The following KLHL10 variants were observed in gnomAD, a reference collection of about 807,000 sequenced individuals.
The protein encoded by KLHL10 is kelch-like protein 10.
Under a neutral mutation model 46.6 loss-of-function variants are expected in KLHL10, and 11 were observed. The ratio of observed to expected loss-of-function variants is 0.24; its 90% CI spans 0.15 to 0.39. KLHL10 has a LOEUF of 0.39. Ranked by LOEUF, KLHL10 falls within the 10% of genes least tolerant of loss-of-function variation. KLHL10 has a pLI of 1.00. For synonymous variants in KLHL10, 254 were observed against 279.1 expected (o/e 0.91, Z 0.90); for missense variants, 475 against 789.8 (o/e 0.60, Z 4.78).
At chr17:41,835,861 G>A (rs782522071), upstream of KLHL10, 5 of 1,607,642 alleles carry the variant, frequency 3.1e-6, no homozygotes, top group Non-Finnish European at 4.2e-6. Flanking sequence ...AGAGGTACCT[G>A]TAACCGGTCT....
upstream of KLHL10, chr17:41,835,815 C>T (rs899267120): frequency 2.7e-5 from 41 of 1,543,462 alleles, no homozygotes; most frequent in Non-Finnish European, 3.4e-5. Context: ...GAAGCCTCTC[C>T]AGCCGCCCCC....
upstream of KLHL10, chr17:41,836,230 G>C (rs1054747418): frequency 3.4e-6 from 4 of 1,173,884 alleles, no homozygotes; most frequent in Non-Finnish European, 4.2e-6. Context: ...GCGGGACAAC[G>C]ACAGCCCCGC....
chr17:41,838,695 G>A (rs1597932327), intron 1 of KLHL10, among the ~76,000 whole-genome samples: 1 of 72,712 alleles, frequency 1.4e-5, no homozygotes, highest in Non-Finnish European at 2.9e-5. Context: ...TCTGATTTTT[G>A]TCTTTTTTTT....
upstream of KLHL10, chr17:41,836,424 G>T (rs927363962): frequency 1.0e-6 from 1 of 985,102 alleles, no homozygotes; most frequent in African/African-American, 1.7e-5. Context: ...GCAGGGTGAA[G>T]GTCCCAAGGT....
chr17:41,843,070 G>A (rs1392670170), intron 2 of KLHL10, among the ~76,000 whole-genome samples: 1 of 151,054 alleles, frequency 6.6e-6, no homozygotes, highest in Non-Finnish European at 1.5e-5. Context: ...AGGCTGCAGT[G>A]TGCTGTGATC....
upstream of KLHL10, chr17:41,837,756 G>A (rs1027197291): frequency 3.5e-6 from 5 of 1,421,082 alleles, no homozygotes; most frequent in African/African-American, 5.8e-5. Context: ...TCCAGAACCT[G>A]AGAGCACAAT....
rs1555621327 is a variant in KLHL10 at position 41,845,754 on chromosome 17, A to T, written c.1302+11A>T. 3 of 1,614,062 alleles carry T rather than the reference A, an allele frequency of 1.9e-6. No homozygotes were observed. Among genetic ancestry groups the T allele is most frequent in the Non-Finnish European group, 2.5e-6 (3 of 1,180,024 alleles). On this transcript the variant is annotated intron_variant, in intron 3 of 4. Transcript: ENST00000293303. ...ACACTTTATGGGAAGGTAAAGGACC[A>T]GGGTGGGAGGGGAAGATGTGGATGC...
Position 41,845,233 on chromosome 17 carries a change from G to A in KLHL10, c.792G>A (p.Lys264=). ...ECKPVIINAL[K]AMYDLNMNGP... is the part of the protein sequence containing the mutation. Reference sequence around the variant, plus strand: ...AACCAGTCATCATTAATGCCCTAAAGGCCATGTATGACCTCAACATGAATG... The same window carrying A: ...AACCAGTCATCATTAATGCCCTAAAAGCCATGTATGACCTCAACATGAATG... Residue 264 remains lysine, a synonymous_variant, in exon 3 of 5, where the codon AAG becomes AAA. Transcript: ENST00000293303. The A allele has an allele frequency of 6.2e-7, 1 of 1,614,226 alleles. No homozygotes were observed. The highest frequency in any genetic ancestry group is 1.3e-5 in the African/African-American group (1 of 75,058).
In KLHL10 at chr17:41,838,072, G is replaced by A. The variant is rs1555620368; in HGVS notation, c.140G>A (p.Gly47Asp). Reference sequence around the variant, plus strand: ...TGCGACGTGGTCATCAAGGTCAATGGCTTTGAGTTCAGTGCCCATAAGAAC... The same window carrying A: ...TGCGACGTGGTCATCAAGGTCAATGACTTTGAGTTCAGTGCCCATAAGAAC... The part of the protein sequence containing the change: ...KLCDVVIKVN[G>D]FEFSAHKNIL... The change falls in exon 1 of 5, where the codon GGC (glycine) becomes GAC (aspartate). Residue 47 changes from glycine (G) to aspartate (D), a missense_variant. Gly to Asp is a moderately conservative substitution (Grantham distance 94). Coordinates refer to ENST00000293303, the MANE Select transcript of KLHL10 (RefSeq NM_152467.5). The A allele has an allele frequency of 4.3e-6, 7 of 1,614,052 alleles. No homozygotes were observed. The highest frequency in any genetic ancestry group is 5.9e-6 in the Non-Finnish European group (7 of 1,180,000).
Position 41,842,124 on chromosome 17 carries a change from C to A in KLHL10, c.496C>A (p.His166Asn). 6.2e-7 allele frequency: 1 copy of A among 1,614,128 alleles called. No individual in the cohort carries two copies. Among genetic ancestry groups the A allele is most frequent in the Non-Finnish European group, 8.5e-7 (1 of 1,180,030 alleles). Residue 166 changes from histidine to asparagine, a missense_variant, in exon 2 of 5, where the codon CAC becomes AAC. Physicochemically the swap from His to Asn is moderately conservative, Grantham distance 68. Transcript: ENST00000293303. ...GCAGAAGGCCTACATGTTCATACTG[C>A]ACAACTTTGAGGAGATGGTGAAAGT... ...LRQKAYMFIL[H>N]NFEEMVKVSA...
chr17:41,837,669 A>C (rs2048179414), upstream of KLHL10: 4 of 1,151,366 alleles, frequency 3.5e-6, no homozygotes, highest in Admixed American at 3.2e-5. Context: ...AGGACACAGA[A>C]GGAGGTGTGA....
At chr17:41,846,446 A>C (rs1293123275) in intron 3 of KLHL10, among the ~76,000 whole-genome samples, 1 of 151,706 alleles carries the variant, frequency 6.6e-6, no homozygotes, top group African/African-American at 2.4e-5. Flanking sequence ...ACTTGAACCT[A>C]GGAGGCGGAG....
chr17:41,837,947 C>G lies in KLHL10; in HGVS notation c.15C>G (p.Ser5Arg). The change falls in exon 1 of 5, where the codon AGC becomes AGG. Residue 5 changes from serine to arginine, a missense_variant. Ser to Arg is a moderately radical substitution (Grantham distance 110). Transcript: ENST00000293303. ...CCCAGGGTGCCATGGAGATGGAGAG[C>G]GCGGCGGCCTCCACACGTTTCCACC... MEME[S>R]AAASTRFHQP... 2 of 1,613,818 alleles carry G rather than the reference C, an allele frequency of 1.2e-6. No homozygotes were observed. Among genetic ancestry groups the G allele is most frequent in the Non-Finnish European group, 8.5e-7 (1 of 1,180,020 alleles).
intron 2 of KLHL10, among the ~76,000 whole-genome samples, chr17:41,843,125 CA>C (rs34537711): frequency 0.16 from 20,204 of 122,940 alleles, 1,398 homozygotes; most frequent in East Asian, 0.21. Flanking sequence ...GACCCTGTCT[CA>C]AAAAAAAAAA....
rs1555621667 is a variant in KLHL10, at chr17:41,848,065, T to A, written c.1585T>A (p.Leu529Met). ...TGGCATCGAGGTGGTGGATGACCTC[T>A]TGTTTGTGGTGGGTGGCTTTAATGG... is the stretch of plus-strand genomic sequence containing the variant. ...NFGIEVVDDLLFVVGGFNGFT... is the reference protein window; with the variant it reads ...NFGIEVVDDLMFVVGGFNGFT... The change falls in exon 5 of 5, where the codon TTG becomes ATG. Residue 529 changes from leucine (L) to methionine (M), a missense_variant. Coordinates refer to ENST00000293303, the MANE Select transcript of KLHL10 (RefSeq NM_152467.5). 1.2e-6 allele frequency: 2 copies of A among 1,614,198 alleles called. No homozygotes were observed.
In KLHL10 at chr17:41,837,850, G is replaced by A; in HGVS notation, c.-83G>A. The A allele has an allele frequency of 6.2e-7, 1 of 1,600,474 alleles. No individual in the cohort carries two copies. The highest frequency in any genetic ancestry group is 1.1e-5 in the South Asian group (1 of 90,110). ...ATACAAAAGATGTAGTAGGGAAAAG[G>A]AGCGACAGCTGGCTAAAGGGGCCCC... On this transcript the variant is annotated 5_prime_UTR_variant, in exon 1 of 5. Coordinates refer to ENST00000293303, the MANE Select transcript of KLHL10 (RefSeq NM_152467.5).
chr17:41,836,287 GTT>G, upstream of KLHL10: 1 of 1,163,346 alleles, frequency 8.6e-7, no homozygotes, highest in African/African-American at 1.6e-5. Flanking sequence ...CCGGGCGGGG[GTT>G]GGTGGGGCCG....
chr17:41,835,893 C>T, upstream of KLHL10: 1 of 1,609,072 alleles, frequency 6.2e-7, no homozygotes, highest in Non-Finnish European at 8.5e-7. Flanking sequence ...GCGGAGGGCG[C>T]CCACGATCTC....
Position 41,841,809 on chromosome 17 carries a change from T to C in KLHL10, c.195-14T>C, listed in dbSNP as rs782750953. ...AAATGTTTCCGTGGCTGCTAGTTTC[T>C]TTCTTTTTTCCAGAGCTTTGTTTAC... On this transcript the variant is annotated splice_polypyrimidine_tract_variant and intron_variant, in intron 1 of 4. Coordinates refer to ENST00000293303, the MANE Select transcript of KLHL10 (RefSeq NM_152467.5). 1.5e-5 allele frequency: 25 copies of C among 1,614,204 alleles called. 1 individual carries two copies. In the South Asian group the frequency reaches 2.6e-4, roughly 17 times the overall value.
Sources: allele counts gnomAD v4.1 joint callset (sites outside exome capture counted in the v4.1 genomes callset), GRCh38; gene constraint gnomAD v4.1.1; transcripts MANE v1.5; gene names NCBI Gene and HGNC (gene_info 2026-07-23, HGNC 2026-07-21).